The following PRKCE variants were observed in gnomAD, a reference collection of about 807,000 sequenced individuals.
PRKCE encodes the protein protein kinase C epsilon, also known as protein kinase C epsilon type.
A neutral mutation model predicts 85.4 loss-of-function variants in PRKCE; 16 were observed. That is an observed-to-expected ratio of 0.19 (90% CI 0.13 to 0.28). PRKCE has a LOEUF of 0.28. Among genes scored for constraint, PRKCE ranks in the 10% least tolerant of loss-of-function variants. The pLI, the probability that PRKCE is intolerant of heterozygous loss-of-function variation, is 1.00. For synonymous variants in PRKCE, 388 were observed against 371.5 expected, an observed-to-expected ratio of 1.04 and a Z score of -0.51; for missense variants, 573 against 975.2, an observed-to-expected ratio of 0.59 and a Z score of 5.49.
At chr2:45,903,077 T>G (rs1696691865) in intron 2 of PRKCE, among the ~76,000 whole-genome samples, 1 of 152,214 alleles carries the variant, frequency 6.6e-6, no homozygotes, top group Non-Finnish European at 1.5e-5. Flanking sequence ...GAAATGCTAG[T>G]CTAAATGATT....
At chr2:46,101,023 A>G (rs1196550734) in intron 11 of PRKCE, among the ~76,000 whole-genome samples, 2 of 152,034 alleles carry the variant, frequency 1.3e-5, no homozygotes, top group Non-Finnish European at 2.9e-5. Flanking sequence ...GCACCCGCCA[A>G]CTTGCCTGGT....
At chr2:45,739,180 G>A (rs1469929267) in intron 1 of PRKCE, among the ~76,000 whole-genome samples, 1 of 152,164 alleles carries the variant, frequency 6.6e-6, no homozygotes, top group South Asian at 2.1e-4. Flanking sequence ...GATACGAGAG[G>A]GTATCTCTCC....
At chr2:46,171,063 G>A (rs1423580483) in intron 14 of PRKCE, among the ~76,000 whole-genome samples, 2 of 152,150 alleles carry the variant, frequency 1.3e-5, no homozygotes, top group African/African-American at 4.8e-5. Flanking sequence ...AGTTGCCACC[G>A]TTTTCTTACC....
intron 2 of PRKCE, among the ~76,000 whole-genome samples, chr2:45,970,357 C>T (rs1702026519): frequency 6.6e-6 from 1 of 152,046 alleles, no homozygotes; most frequent in Non-Finnish European, 1.5e-5. Flanking sequence ...GTCCTTTAAG[C>T]TATTATCTAT....
intron 1 of PRKCE, among the ~76,000 whole-genome samples, chr2:45,803,475 T>C (rs60725482): frequency 0.022 from 3,306 of 152,324 alleles, 115 homozygotes; most frequent in African/African-American, 0.075. Context: ...GAAGATAGCT[T>C]GTGGCTATGC....
intron 11 of PRKCE, among the ~76,000 whole-genome samples, chr2:46,112,670 C>G (rs544775175): frequency 1.3e-5 from 2 of 152,170 alleles, no homozygotes; most frequent in East Asian, 1.9e-4. Flanking sequence ...CAGGCACGTG[C>G]CACCATGCCT....
At chr2:46,174,595 C>T (rs567127523) in intron 14 of PRKCE, among the ~76,000 whole-genome samples, 5 of 152,240 alleles carry the variant, frequency 3.3e-5, no homozygotes, top group South Asian at 2.1e-4. Flanking sequence ...CCTCAGTTCC[C>T]GGTGCGCCCA....
At chr2:45,898,588 G>A (rs1423475806) in intron 2 of PRKCE, among the ~76,000 whole-genome samples, 1 of 152,198 alleles carries the variant, frequency 6.6e-6, no homozygotes, top group African/African-American at 2.4e-5. Context: ...TTATGCTGAG[G>A]ATCTAATAAA....
intron 1 of PRKCE, among the ~76,000 whole-genome samples, chr2:45,710,101 A>G (rs1679486273): frequency 6.6e-6 from 1 of 152,156 alleles, no homozygotes; most frequent in South Asian, 2.1e-4. Context: ...TGGCCCATTT[A>G]TCTTATTTAA....
At chr2:45,819,887 A>T (rs1689382580) in intron 1 of PRKCE, among the ~76,000 whole-genome samples, 1 of 152,216 alleles carries the variant, frequency 6.6e-6, no homozygotes, top group Non-Finnish European at 1.5e-5. Context: ...ACAGGGAAAC[A>T]ATCGCATCAA....
chr2:46,051,199 A>G (rs1051314190), intron 10 of PRKCE, among the ~76,000 whole-genome samples: 2 of 152,182 alleles, frequency 1.3e-5, no homozygotes, highest in Non-Finnish European at 2.9e-5. Context: ...AAACTCCTTC[A>G]ACTTTCAGCT....
rs944065234 is a variant in PRKCE at position 45,852,290 on chromosome 2, G to T, written c.412+9227G>T. On this transcript the variant is annotated intron_variant, in intron 2 of 14. Transcript: ENST00000306156. ...GAAATGTTCTCTGCAACAAAAACCC[G>T]TGACCTCTACTATTAGCCAAGTGTG... Among the ~76,000 whole-genome samples the T allele has an allele frequency of 3.8e-4, 58 of 152,188 alleles. 2 individuals carry two copies. The highest frequency in any genetic ancestry group is 1.3e-4 in the Non-Finnish European group (9 of 68,038).
At chr2:45,929,726 C>T (rs898619265) in intron 2 of PRKCE, among the ~76,000 whole-genome samples, 1 of 151,952 alleles carries the variant, frequency 6.6e-6, no homozygotes, top group African/African-American at 2.4e-5. Flanking sequence ...CTTCCCCCCA[C>T]CCCCAGGACC....
chr2:46,005,853 G>A (rs1705146986), intron 8 of PRKCE, among the ~76,000 whole-genome samples: 1 of 152,144 alleles, frequency 6.6e-6, no homozygotes, highest in Non-Finnish European at 1.5e-5. Flanking sequence ...GTACTCTGGG[G>A]CTGCAGAACT....
At chr2:45,809,793 T>C (rs1470566553) in intron 1 of PRKCE, among the ~76,000 whole-genome samples, 1 of 151,016 alleles carries the variant, frequency 6.6e-6, no homozygotes, top group African/African-American at 2.4e-5. Flanking sequence ...GGCAGGAGGA[T>C]TGCTTGAACC....
rs76833388 is a variant in PRKCE at position 45,950,848 on chromosome 2, G to C, written c.413-25581G>C. Among the ~76,000 whole-genome samples the C allele has an allele frequency of 8.4e-3, 1,275 of 152,218 alleles. 21 individuals are homozygous for C. The highest frequency in any genetic ancestry group is 0.028 in the African/African-American group (1,181 of 41,522). On this transcript the variant is annotated intron_variant, in intron 2 of 14. Transcript: ENST00000306156. ...AAGAGGGAGTACTGGTGTTCCTAGA[G>C]GACCAACTTTCCTAGAGGACCTCTC...
chr2:45,955,529 C>A (rs2104373358), intron 2 of PRKCE, among the ~76,000 whole-genome samples: 1 of 152,326 alleles, frequency 6.6e-6, no homozygotes, highest in South Asian at 2.1e-4. Context: ...TATTTACATG[C>A]TCCAGGCATG....
At chr2:45,802,424 G>T (rs575860503) in intron 1 of PRKCE, among the ~76,000 whole-genome samples, 158 of 151,894 alleles carry the variant, frequency 1.0e-3, no homozygotes, top group African/African-American at 3.5e-3. Flanking sequence ...ATGCATAAAG[G>T]TCCATCTTAA....
chr2:46,077,168 C>A (rs1286419515), intron 10 of PRKCE, among the ~76,000 whole-genome samples: 1 of 20,946 alleles, frequency 4.8e-5, no homozygotes, highest in Non-Finnish European at 1.9e-4. Context: ...CTTTCTCGTG[C>A]ACACACACAC....
Sources: gnomAD v4.1 joint callset for allele counts (sites outside exome capture counted in the v4.1 genomes callset) on GRCh38, gnomAD v4.1.1 for gene constraint, MANE v1.5 for transcripts, NCBI Gene and HGNC (gene_info 2026-07-23, HGNC 2026-07-21) for gene names.